The following GPM6A variants were observed in gnomAD, a reference collection of about 807,000 sequenced individuals.
GPM6A encodes neuronal membrane glycoprotein M6-a.
Under a neutral mutation model 32.1 loss-of-function variants are expected in GPM6A, and 7 were observed. The observed-to-expected ratio is 0.22, with a 90% CI of 0.12 to 0.41. The LOEUF (loss-of-function observed/expected upper bound fraction) is 0.41. GPM6A is among the 10% of genes least tolerant of loss of function. The pLI is 1.00. For synonymous variants in GPM6A, 130 were observed against 123.4 expected, an observed-to-expected ratio of 1.05 and a Z score of -0.35; for missense variants, 235 against 347.2, an observed-to-expected ratio of 0.68 and a Z score of 2.57.
chr4:175,974,761 C>T (rs956174996), intron 1 of GPM6A, among the ~76,000 whole-genome samples: 2 of 151,964 alleles, frequency 1.3e-5, no homozygotes, highest in Admixed American at 1.3e-4. Flanking sequence ...CGGCTCACGG[C>T]AGCCTCAACA....
chr4:175,790,409 A>G (rs1733966081), intron 1 of GPM6A: 1 of 152,216 alleles, frequency 6.6e-6, no homozygotes, highest in African/African-American at 2.4e-5. Flanking sequence ...CCCTGTAGAG[A>G]TGCTTGCAGT....
chr4:175,928,549 A>C (rs1738922824), intron 1 of GPM6A, among the ~76,000 whole-genome samples: 1 of 152,206 alleles, frequency 6.6e-6, no homozygotes, highest in South Asian at 2.1e-4. Flanking sequence ...ATCATCCATA[A>C]GGGCTTGGCA....
intron 1 of GPM6A, among the ~76,000 whole-genome samples, chr4:175,905,658 T>G (rs756618882): frequency 3.3e-5 from 5 of 152,134 alleles, no homozygotes; most frequent in Non-Finnish European, 7.4e-5. Flanking sequence ...TGCCTTCGGC[T>G]CAAAATAATC....
At chr4:175,945,584 A>C (rs1292113186) in intron 1 of GPM6A, among the ~76,000 whole-genome samples, 1 of 151,758 alleles carries the variant, frequency 6.6e-6, no homozygotes, top group African/African-American at 2.4e-5. Context: ...ATACGCACCC[A>C]TATTACTTAG....
At chr4:175,821,434 A>G (rs1735274245) in intron 1 of GPM6A, among the ~76,000 whole-genome samples, 1 of 152,042 alleles carries the variant, frequency 6.6e-6, no homozygotes, top group Non-Finnish European at 1.5e-5. Flanking sequence ...GCCTTAGTTA[A>G]TCTTGGTTTT....
chr4:175,771,476 C>T (rs940425295), intron 1 of GPM6A, among the ~76,000 whole-genome samples: 13 of 143,922 alleles, frequency 9.0e-5, no homozygotes, highest in African/African-American at 2.9e-4. Context: ...GAGGCTGAGG[C>T]GGGAGAATCA....
intron 1 of GPM6A, among the ~76,000 whole-genome samples, chr4:175,729,709 T>C (rs1731331266): frequency 6.7e-6 from 1 of 149,340 alleles, no homozygotes. Flanking sequence ...TGTAAATAAA[T>C]GTATACACTC....
intron 1 of GPM6A, among the ~76,000 whole-genome samples, chr4:175,823,984 CT>C (rs1303450213): frequency 6.6e-6 from 1 of 152,164 alleles, no homozygotes; most frequent in African/African-American, 2.4e-5. Context: ...CACATTGTTC[CT>C]TTTTTTGTGA....
intron 3 of GPM6A, among the ~76,000 whole-genome samples, chr4:175,673,406 T>A (rs1743188158): frequency 6.6e-6 from 1 of 151,004 alleles, no homozygotes. Flanking sequence ...CACAGAGCCC[T>A]TTGGAAAAAA....
At chr4:175,912,197 G>A (rs1738342414) in intron 1 of GPM6A, among the ~76,000 whole-genome samples, 1 of 152,192 alleles carries the variant, frequency 6.6e-6, no homozygotes, top group South Asian at 2.1e-4. Flanking sequence ...TGGGGAATAA[G>A]TAAAGTTTTT....
chr4:175,809,441 G>A (rs1394764146), intron 1 of GPM6A, among the ~76,000 whole-genome samples: 1 of 151,170 alleles, frequency 6.6e-6, no homozygotes, highest in African/African-American at 2.4e-5. Context: ...GATGAAGTAA[G>A]TGGCTTTCAT....
intron 1 of GPM6A, among the ~76,000 whole-genome samples, chr4:175,827,753 T>C (rs968188851): frequency 6.6e-6 from 1 of 152,194 alleles, no homozygotes; most frequent in Non-Finnish European, 1.5e-5. Context: ...CCATGACCTC[T>C]TTAAGGTTCT....
intron 1 of GPM6A, among the ~76,000 whole-genome samples, chr4:175,850,358 T>A (rs1215329690): frequency 6.6e-6 from 1 of 151,992 alleles, no homozygotes; most frequent in East Asian, 1.9e-4. Flanking sequence ...ATTTTGTGAG[T>A]GCAGACACAA....
At chr4:175,664,613 C>T (rs80065153) in intron 3 of GPM6A, among the ~76,000 whole-genome samples, 6,568 of 152,188 alleles carry the variant, frequency 0.043, 238 homozygotes, top group South Asian at 0.12. Flanking sequence ...ATTTACATGA[C>T]GCATCAGAGT....
intron 1 of GPM6A, among the ~76,000 whole-genome samples, chr4:175,853,303 A>T (rs1252962538): frequency 6.6e-6 from 1 of 152,074 alleles, no homozygotes; most frequent in East Asian, 1.9e-4. Context: ...CATGATATCA[A>T]AAAAGATTAT....
intron 1 of GPM6A, among the ~76,000 whole-genome samples, chr4:175,838,332 C>A (rs1735835631): frequency 1.3e-5 from 2 of 149,240 alleles, no homozygotes; most frequent in Non-Finnish European, 3.0e-5. Flanking sequence ...GACAGTAAAA[C>A]TGTTTGAACT....
chr4:175,933,767 C>T (rs188863486), intron 1 of GPM6A, among the ~76,000 whole-genome samples: 1 of 152,040 alleles, frequency 6.6e-6, no homozygotes. Flanking sequence ...GATGGTCTCG[C>T]TCTCCTGACC....
At chr4:175,900,050 C>T (rs1737908929) in intron 1 of GPM6A, among the ~76,000 whole-genome samples, 1 of 151,964 alleles carries the variant, frequency 6.6e-6, no homozygotes, top group African/African-American at 2.4e-5. Context: ...GAGGCCGAGG[C>T]AGGCGGATCA....
chr4:175,839,368 TCTA>T (rs60002568), intron 1 of GPM6A, among the ~76,000 whole-genome samples: 10,632 of 152,188 alleles, frequency 0.07, 1,075 homozygotes, highest in African/African-American at 0.22. Flanking sequence ...ATTAAAATAT[TCTA>T]CTACATTAAA....
Sources: allele counts gnomAD v4.1 joint callset (sites outside exome capture counted in the v4.1 genomes callset), GRCh38; gene constraint gnomAD v4.1.1; transcripts MANE v1.5; gene names NCBI Gene and HGNC (gene_info 2026-07-23, HGNC 2026-07-21).